The following SCEL variants were observed in gnomAD, a reference collection of about 807,000 sequenced individuals.
SCEL encodes the protein sciellin.
Under a neutral mutation model 117.6 loss-of-function variants are expected in SCEL, and 113 were observed. That is an observed-to-expected ratio of 0.96 (90% CI 0.83 to 1.12). SCEL has a LOEUF of 1.12. SCEL is among the 50% of genes most tolerant of loss of function. The pLI is 0.00. For missense variants in SCEL, 785 were observed against 810.8 expected (o/e 0.97, Z 0.39); for synonymous variants, 270 against 256.2 (o/e 1.05, Z -0.51).
In SCEL at chr13:77,628,006, G is replaced by T. The variant is rs755144688; in HGVS notation, c.1688G>T (p.Gly563Val). Residue 563 changes from glycine to valine, a missense_variant, in exon 28 of 33, where the codon GGA (glycine) becomes GTA (valine). By Grantham distance (109) the Gly-to-Val change is moderately radical. Transcript: ENST00000349847. ...TCTCATGTGTCTGAAAACAAGAATGGAAGGTAAAGCTTATTATAATTCACT... is the reference window on the plus strand; with the variant it reads ...TCTCATGTGTCTGAAAACAAGAATGTAAGGTAAAGCTTATTATAATTCACT... ...VNSHVSENKN[G>V]SSNTGAKQAG... 2 of 1,489,532 alleles carry T rather than the reference G, an allele frequency of 1.3e-6. No homozygotes were observed. Among genetic ancestry groups the T allele is most frequent in the African/African-American group, 2.8e-5 (2 of 72,194 alleles). The allele number at this position is 1,489,532 out of a possible 1,614,324, so 92.3% of individuals were successfully genotyped here.
At chr13:77,580,006 A>G (rs1346261851) in intron 9 of SCEL, among the ~76,000 whole-genome samples, 1 of 152,254 alleles carries the variant, frequency 6.6e-6, no homozygotes, top group East Asian at 1.9e-4. Flanking sequence ...CATGAAATCC[A>G]GTAATTCCAA....
chr13:77,576,607 C>T (rs2085956054), intron 9 of SCEL, among the ~76,000 whole-genome samples: 1 of 152,180 alleles, frequency 6.6e-6, no homozygotes, highest in Non-Finnish European at 1.5e-5. Context: ...TCAAAGACAC[C>T]AGAAACTCAA....
At chr13:77,565,815 G>C (rs1339605429) in intron 5 of SCEL, among the ~76,000 whole-genome samples, 1 of 152,190 alleles carries the variant, frequency 6.6e-6, no homozygotes, top group Non-Finnish European at 1.5e-5. Flanking sequence ...AGCATCCAGA[G>C]ACAGTGGGTT....
At chr13:77,548,249 G>A (rs565571504) in intron 1 of SCEL, among the ~76,000 whole-genome samples, 1 of 152,370 alleles carries the variant, frequency 6.6e-6, no homozygotes, top group African/African-American at 2.4e-5. Context: ...CTTAGTCCAA[G>A]TAGCTAATGA....
chr13:77,538,115 CTTTTTTTTTTTT>C (rs35197581), intron 1 of SCEL, among the ~76,000 whole-genome samples: 1 of 128,976 alleles, frequency 7.8e-6, no homozygotes, highest in Non-Finnish European at 1.7e-5. Flanking sequence ...AATCAAAAGT[CTTTTTTTTTTTT>C]TTTTTTTTAA....
rs1471152104 is a variant in SCEL, at chr13:77,642,813, G to T, written c.2050+5G>T. 4 of 1,504,192 alleles carry T rather than the reference G, an allele frequency of 2.7e-6. No homozygotes were observed. The highest frequency in any genetic ancestry group is 3.7e-6 in the Non-Finnish European group (4 of 1,093,134). 93.2% of individuals were successfully genotyped at this position (1,504,192 alleles called of 1,614,324 possible). ...CTTGCTACTCTAAAATTATGGGTAAGTGTTACACTCTAAGCATTTAACACT... is the reference window on the plus strand; with the variant it reads ...CTTGCTACTCTAAAATTATGGGTAATTGTTACACTCTAAGCATTTAACACT... On this transcript the variant is annotated splice_donor_5th_base_variant and intron_variant, in intron 32 of 32. Coordinates refer to ENST00000349847, the MANE Select transcript of SCEL (RefSeq NM_144777.3).
At chr13:77,600,237 T>C (rs2087564738) in intron 15 of SCEL, among the ~76,000 whole-genome samples, 1 of 152,160 alleles carries the variant, frequency 6.6e-6, no homozygotes, top group African/African-American at 2.4e-5. Flanking sequence ...CAAGTGATTC[T>C]TTTGCCCCAG....
chr13:77,593,298 C>CGCGCGCGTG, intron 11 of SCEL, among the ~76,000 whole-genome samples: 3 of 73,738 alleles, frequency 4.1e-5, no homozygotes, highest in East Asian at 1.1e-3. Context: ...GTGTGTGTGT[C>CGCGCGCGTG]TGTGTGTGTG....
chr13:77,585,560 A>G (rs1320383373), intron 9 of SCEL, among the ~76,000 whole-genome samples: 1 of 152,160 alleles, frequency 6.6e-6, no homozygotes, highest in Non-Finnish European at 1.5e-5. Context: ...CATCAACATG[A>G]GAGCCAAGAG....
In SCEL at chr13:77,637,154, T is replaced by G; in HGVS notation, c.1798T>G (p.Ser600Ala). ...CAAGGATGGATATCAGGAGAATATCTCTGGAAAATACATACAAACTGTTTA... is the reference window on the plus strand; with the variant it reads ...CAAGGATGGATATCAGGAGAATATCGCTGGAAAATACATACAAACTGTTTA... The part of the protein sequence containing the change: ...SPKDGYQENI[S>A]GKYIQTVYST... The change falls in exon 30 of 33, where the codon TCT becomes GCT. Residue 600 changes from serine to alanine, a missense_variant. Coordinates refer to ENST00000349847, the MANE Select transcript of SCEL (RefSeq NM_144777.3). The G allele has an allele frequency of 6.4e-7, 1 of 1,560,842 alleles. No individual in the cohort carries two copies. The highest frequency in any genetic ancestry group is 8.7e-7 in the Non-Finnish European group (1 of 1,155,042).
chr13:77,545,688 G>C (rs538439899), intron 1 of SCEL, among the ~76,000 whole-genome samples: 28 of 152,188 alleles, frequency 1.8e-4, no homozygotes, highest in Middle Eastern at 6.3e-3. Context: ...CACCCAAAGA[G>C]GGGGCATTAG....
At chr13:77,637,413 A>ATATAC (rs2090354736) in intron 30 of SCEL, among the ~76,000 whole-genome samples, 2 of 109,006 alleles carry the variant, frequency 1.8e-5, no homozygotes, top group Non-Finnish European at 3.8e-5. Context: ...TATATAAATA[A>ATATAC]ATATATATAT....
At position 77,556,608 on chromosome 13, in the gene SCEL, C is replaced by G. The variant is rs201048445; in HGVS notation, c.56C>G (p.Thr19Ser). 2.5e-6 allele frequency: 4 copies of G among 1,613,524 alleles called. No individual in the cohort carries two copies. The East Asian group carries it at 6.7e-5, about 27-fold the overall frequency. ...MSPTGNEMKS[T>S]TQGTTRKQQD... Reference sequence around the variant, plus strand: ...TTTCTGTTGATAGAGATGAAGAGCACCACTCAGGGAACCACACGGAAGCAG... The same window carrying G: ...TTTCTGTTGATAGAGATGAAGAGCAGCACTCAGGGAACCACACGGAAGCAG... Residue 19 changes from threonine to serine, a missense_variant, in exon 3 of 33, where the codon ACC becomes AGC. By Grantham distance (58) the Thr-to-Ser change is moderately conservative. Coordinates refer to ENST00000349847, the MANE Select transcript of SCEL (RefSeq NM_144777.3).
intron 10 of SCEL, among the ~76,000 whole-genome samples, chr13:77,590,417 A>G (rs888680376): frequency 4.6e-5 from 7 of 152,102 alleles, no homozygotes; most frequent in Admixed American, 2.0e-4. Flanking sequence ...TCTCTTAAAA[A>G]TATCTTCTCA....
chr13:77,538,749 C>T (rs765744093), intron 1 of SCEL, among the ~76,000 whole-genome samples: 32 of 152,140 alleles, frequency 2.1e-4, no homozygotes, highest in Non-Finnish European at 4.0e-4. Context: ...CTTGATAGCT[C>T]TAAAAATCTG....
intron 30 of SCEL, among the ~76,000 whole-genome samples, chr13:77,640,232 G>C (rs2090495647): frequency 6.6e-6 from 1 of 152,036 alleles, no homozygotes; most frequent in South Asian, 2.1e-4. Context: ...CTCTTGAATG[G>C]ATTTCTATTT....
chr13:77,637,949 A>C (rs2090384390), intron 30 of SCEL, among the ~76,000 whole-genome samples: 1 of 152,214 alleles, frequency 6.6e-6, no homozygotes, highest in Non-Finnish European at 1.5e-5. Flanking sequence ...AGAGTATGGC[A>C]TGCAGATTTC....
intron 27 of SCEL, among the ~76,000 whole-genome samples, chr13:77,625,982 G>A (rs1204637630): frequency 6.6e-6 from 1 of 152,150 alleles, no homozygotes; most frequent in African/African-American, 2.4e-5. Context: ...ATTTTTTTAT[G>A]CTTATTCAAT....
At chr13:77,593,304 G>GTGCGCGTC in intron 11 of SCEL, among the ~76,000 whole-genome samples, 1 of 146,706 alleles carries the variant, frequency 6.8e-6, no homozygotes, top group South Asian at 2.2e-4. Flanking sequence ...GTGTCTGTGT[G>GTGCGCGTC]TGTGTGTGTG....
Sources: gnomAD v4.1 joint callset for allele counts (sites outside exome capture counted in the v4.1 genomes callset) on GRCh38, gnomAD v4.1.1 for gene constraint, MANE v1.5 for transcripts, NCBI Gene and HGNC (gene_info 2026-07-23, HGNC 2026-07-21) for gene names.